Variants in HCN1 observed in about 807,000 individuals in gnomAD.
HCN1 encodes hyperpolarization activated cyclic nucleotide gated potassium channel 1, also known as potassium/sodium hyperpolarization-activated cyclic nucleotide-gated channel 1.
HCN1 carries 13 observed loss-of-function variants against 78.9 expected under a neutral mutation model. That is an observed-to-expected ratio of 0.16 (90% CI 0.11 to 0.26). The LOEUF (loss-of-function observed/expected upper bound fraction) is 0.26. Among genes scored for constraint, HCN1 ranks in the 10% least tolerant of loss-of-function variants. The pLI is 1.00. For missense variants in HCN1, 810 were observed against 1,154.3 expected (o/e 0.70, Z 4.32); for synonymous variants, 552 against 455.5 (o/e 1.21, Z -2.70).
intron 4 of HCN1, among the ~76,000 whole-genome samples, chr5:45,380,713 G>T (rs969772024): frequency 6.6e-6 from 1 of 152,000 alleles, no homozygotes; most frequent in Admixed American, 6.6e-5. Flanking sequence ...TTGTGCCTTT[G>T]TTAGACCTGT....
At chr5:45,482,908 C>G (rs2111679031) in intron 2 of HCN1, among the ~76,000 whole-genome samples, 1 of 152,200 alleles carries the variant, frequency 6.6e-6, no homozygotes, top group South Asian at 2.1e-4. Context: ...AGCCTCCAGC[C>G]CCAACTATGT....
At chr5:45,393,537 GT>G (rs1483089381) in intron 4 of HCN1, among the ~76,000 whole-genome samples, 3 of 152,238 alleles carry the variant, frequency 2.0e-5, no homozygotes, top group East Asian at 3.9e-4. Context: ...GTCTTTATAG[GT>G]TAATTCCTTT....
chr5:45,687,149 T>A (rs1326081888), intron 1 of HCN1, among the ~76,000 whole-genome samples: 1 of 152,210 alleles, frequency 6.6e-6, no homozygotes, highest in East Asian at 1.9e-4. Context: ...TCTTGATATG[T>A]AACTTTTTCT....
intron 1 of HCN1, among the ~76,000 whole-genome samples, chr5:45,685,333 A>G (rs1163301816): frequency 6.6e-6 from 1 of 152,230 alleles, no homozygotes; most frequent in Non-Finnish European, 1.5e-5. Flanking sequence ...AATTTTCCCT[A>G]AAAGCTATTT....
rs546784601 is a variant in HCN1 at position 45,564,264 on chromosome 5, C to CTT, written c.849+80919_849+80920dup. Among the ~76,000 whole-genome samples the CTT allele has an allele frequency of 2.3e-4, 32 of 142,038 alleles. 1 individual carries two copies. Among genetic ancestry groups the CTT allele is most frequent in the South Asian group, 2.2e-3 (10 of 4,458 alleles). 93.2% of individuals were successfully genotyped at this position (142,038 alleles called of 152,430 possible). A position where few individuals can be genotyped will look rare whatever the true frequency, so the allele number is the denominator to read the frequency against. ...TAAATGTGGGTGAACCTTTAGGAAGCTTTTTTTTTTTTTTGAGACGGAGTC... is the reference window on the plus strand; with the variant it reads ...TAAATGTGGGTGAACCTTTAGGAAGCTTTTTTTTTTTTTTTTGAGACGGAGTC... On this transcript the variant is annotated intron_variant, in intron 2 of 7. Transcript: ENST00000303230.
chr5:45,461,673 T>G (rs1420064732), intron 3 of HCN1, among the ~76,000 whole-genome samples, 173 bp downstream of exon 3: 2 of 152,152 alleles, frequency 1.3e-5, no homozygotes, highest in African/African-American at 2.4e-5. Context: ...TTAGTAAAAT[T>G]TAGTTGTAAC....
intron 3 of HCN1, among the ~76,000 whole-genome samples, chr5:45,430,054 A>G (rs1740430757): frequency 6.6e-6 from 1 of 152,186 alleles, no homozygotes; most frequent in African/African-American, 2.4e-5. Flanking sequence ...ATAAAGAAAT[A>G]CAAACACAAA....
At chr5:45,684,167 A>G (rs1009064148) in intron 1 of HCN1, among the ~76,000 whole-genome samples, 4 of 152,216 alleles carry the variant, frequency 2.6e-5, no homozygotes, top group Admixed American at 6.5e-5. Context: ...TATTGTAAAT[A>G]AATGCATGGG....
At chr5:45,325,608 A>G (rs1198349842) in intron 5 of HCN1, among the ~76,000 whole-genome samples, 1 of 151,682 alleles carries the variant, frequency 6.6e-6, no homozygotes, top group Non-Finnish European at 1.5e-5. Flanking sequence ...TTCCGTCAGC[A>G]TTTCCAATGG....
At chr5:45,481,002 G>A (rs772224586) in intron 2 of HCN1, among the ~76,000 whole-genome samples, 9 of 152,128 alleles carry the variant, frequency 5.9e-5, no homozygotes, top group Admixed American at 5.9e-4. Context: ...AGAATGTAAG[G>A]CTTAGAGTTT....
intron 1 of HCN1, among the ~76,000 whole-genome samples, chr5:45,671,409 C>T (rs1458159263): frequency 6.6e-6 from 1 of 150,530 alleles, no homozygotes; most frequent in Admixed American, 6.7e-5. Flanking sequence ...ATATATAGTA[C>T]TATATATATA....
chr5:45,404,046 C>T (rs1200763372), intron 3 of HCN1, among the ~76,000 whole-genome samples: 3 of 152,132 alleles, frequency 2.0e-5, no homozygotes, highest in South Asian at 4.1e-4. Context: ...TGCCCCACTT[C>T]GGGCATCCTG....
chr5:45,659,141 T>A (rs1423729253), intron 1 of HCN1, among the ~76,000 whole-genome samples: 1 of 151,142 alleles, frequency 6.6e-6, no homozygotes, highest in Non-Finnish European at 1.5e-5. Context: ...AGTGGGTCCC[T>A]GACCCCTGAC....
At chr5:45,486,438 C>A (rs1741765157) in intron 2 of HCN1, among the ~76,000 whole-genome samples, 1 of 152,108 alleles carries the variant, frequency 6.6e-6, no homozygotes, top group Admixed American at 6.6e-5. Flanking sequence ...GGATAAAGAA[C>A]TACTATTCTC....
intron 2 of HCN1, among the ~76,000 whole-genome samples, chr5:45,593,320 TCC>T (rs1554034719): frequency 4.9e-3 from 249 of 50,474 alleles, no homozygotes; most frequent in Middle Eastern, 0.012. Context: ...TCTCTCTCTC[TCC>T]CTCTCTCTCT....
intron 1 of HCN1, among the ~76,000 whole-genome samples, chr5:45,651,627 A>T (rs773190807): frequency 6.6e-6 from 1 of 152,024 alleles, no homozygotes; most frequent in Non-Finnish European, 1.5e-5. Flanking sequence ...GATTTGGTAC[A>T]TATGTTTTGA....
intron 3 of HCN1, among the ~76,000 whole-genome samples, chr5:45,422,594 A>T: frequency 6.6e-6 from 1 of 152,282 alleles, no homozygotes; most frequent in African/African-American, 2.4e-5. Flanking sequence ...TCAACTTTCT[A>T]ACACTATTAT....
At chr5:45,356,440 A>G (rs1346943122) in intron 4 of HCN1, among the ~76,000 whole-genome samples, 1 of 152,022 alleles carries the variant, frequency 6.6e-6, no homozygotes, top group Non-Finnish European at 1.5e-5. Flanking sequence ...GAGTGTTTAT[A>G]AAACACGGCA....
intron 1 of HCN1, among the ~76,000 whole-genome samples, chr5:45,684,364 T>C (rs993363181): frequency 1.3e-5 from 2 of 152,222 alleles, no homozygotes; most frequent in Non-Finnish European, 2.9e-5. Context: ...AGCATGTATT[T>C]CTGCTTTTTA....
Sources: allele counts gnomAD v4.1 joint callset (sites outside exome capture counted in the v4.1 genomes callset), GRCh38; gene constraint gnomAD v4.1.1; transcripts MANE v1.5; gene names NCBI Gene and HGNC (gene_info 2026-07-23, HGNC 2026-07-21).